The following FCAMR variants were observed in gnomAD, a reference collection of about 807,000 sequenced individuals.
FCAMR encodes the protein Fc alpha and mu receptor.
A neutral mutation model predicts 52.2 loss-of-function variants in FCAMR; 51 were observed. The observed-to-expected ratio is 0.98, with a 90% CI of 0.78 to 1.23. The LOEUF (loss-of-function observed/expected upper bound fraction) is 1.23. Ranked by LOEUF, FCAMR falls within the 50% of genes most tolerant of loss-of-function variation. The pLI is 0.00. For synonymous variants in FCAMR, 282 were observed against 262.0 expected (o/e 1.08, Z -0.74); for missense variants, 719 against 712.6 (o/e 1.01, Z -0.10).
In FCAMR at chr1:206,960,966, C is replaced by A; in HGVS notation, c.910G>T (p.Ala304Ser). Residue 304 changes from alanine to serine, a missense_variant, in exon 6 of 8, where the codon GCA becomes TCA. Transcript: ENST00000324852. ...GGACTCTCTGGAATCGGAGCAGGTG[C>A]TTTGACAGAACCCTCTGCCCAGCTG... ...TGSWAEGSVK[A>S]PAPIPESPPS... is the part of the protein sequence containing the mutation. The A allele has an allele frequency of 6.4e-7, 1 of 1,551,944 alleles. No individual in the cohort carries two copies. Among genetic ancestry groups the A allele is most frequent in the Non-Finnish European group, 8.7e-7 (1 of 1,147,026 alleles).
Position 206,959,841 on chromosome 1 carries a change from C to A in FCAMR, c.1455-44G>T, listed in dbSNP as rs770766842. 2.0e-6 allele frequency: 3 copies of A among 1,482,466 alleles called. No homozygotes were observed. The South Asian group carries it at 3.4e-5, about 17-fold the overall frequency. 91.8% of individuals were successfully genotyped at this position (1,482,466 alleles called of 1,614,324 possible). A position where few individuals can be genotyped will look rare whatever the true frequency, so the allele number is the denominator to read the frequency against. The stretch of plus-strand genomic sequence containing the variant: ...GAGCACAGGGGAGAGGAGGTTGGAG[C>A]TGGGCAGAAGATTAAAGACCATTTA... On this transcript the variant is annotated intron_variant, in intron 6 of 7. Coordinates refer to ENST00000324852, the MANE Select transcript of FCAMR (RefSeq NM_001170631.2).
At chr1:206,959,495 A>G (rs974724092) in intron 7 of FCAMR, among the ~76,000 whole-genome samples, 184 bp downstream of exon 7, 9 of 151,692 alleles carry the variant, frequency 5.9e-5, no homozygotes, top group African/African-American at 1.7e-4. Flanking sequence ...AAAAAAAGAA[A>G]AGAAAAGAAA....
Position 206,960,980 on chromosome 1 carries a change from T to C in FCAMR, c.896A>G (p.Glu299Gly). 2 of 1,551,900 alleles carry C rather than the reference T, an allele frequency of 1.3e-6. No homozygotes were observed. Among genetic ancestry groups the C allele is most frequent in the Non-Finnish European group, 1.7e-6 (2 of 1,147,028 alleles). ...CGGAGCAGGTGCTTTGACAGAACCCTCTGCCCAGCTGCCTGTCCCTGGAGC... is the reference window on the plus strand; with the variant it reads ...CGGAGCAGGTGCTTTGACAGAACCCCCTGCCCAGCTGCCTGTCCCTGGAGC... Reference protein sequence around the residue: ...PAAPGTGSWAEGSVKAPAPIP... With the variant: ...PAAPGTGSWAGGSVKAPAPIP... The change falls in exon 6 of 8, where the codon GAG becomes GGG. Residue 299 changes from glutamate to glycine, a missense_variant. Transcript: ENST00000324852.
In FCAMR at chr1:206,965,788, C is replaced by A; in HGVS notation, c.240G>T (p.Arg80Ser). The A allele has an allele frequency of 6.3e-7, 1 of 1,593,006 alleles. No homozygotes were observed. Among genetic ancestry groups the A allele is most frequent in the South Asian group, 1.1e-5 (1 of 88,156 alleles). ...RWLWEGSLPS[R>S]THLRAMGTLR... ...GTGTTCCCATGGCCCGGAGATGGGT[C>A]CTGGAGGGGAGAGAGCCCTCCCACA... The change falls in exon 4 of 8, where the codon AGG becomes AGT. Residue 80 changes from arginine to serine, a missense_variant. Physicochemically the swap from Arg to Ser is moderately radical, Grantham distance 110. Transcript: ENST00000324852.
intron 4 of FCAMR, among the ~76,000 whole-genome samples, chr1:206,964,358 C>A (rs1170342475): frequency 2.0e-5 from 3 of 151,926 alleles, no homozygotes; most frequent in Non-Finnish European, 4.4e-5. Flanking sequence ...ATGTCTGAAC[C>A]CCAGAAAGTT....
rs758567403 is a variant in FCAMR, at chr1:206,962,487, C to T, written c.378G>A (p.Gln126=). ...SGEPGGAVTI[Q]CHYAPSSVNR... ...TGACAGATGAGGGGGCATAATGGCA[C>T]TGGATGGTGACAGCTCCTCCAGGCT... The change falls in exon 5 of 8, where the codon CAG becomes CAA. Residue 126 remains glutamine, a synonymous_variant. Coordinates refer to ENST00000324852, the MANE Select transcript of FCAMR (RefSeq NM_001170631.2). 3 of 1,609,530 alleles carry T rather than the reference C, an allele frequency of 1.9e-6. No homozygotes were observed. The highest frequency in any genetic ancestry group is 2.6e-6 in the Non-Finnish European group (3 of 1,176,284).
Position 206,961,069 on chromosome 1 carries a change from T to C in FCAMR, c.807A>G (p.Pro269=), listed in dbSNP as rs1680492601. 3 of 1,551,916 alleles carry C rather than the reference T, an allele frequency of 1.9e-6. No homozygotes were observed. The highest frequency in any genetic ancestry group is 1.7e-4 in the Middle Eastern group (1 of 5,994). The change falls in exon 6 of 8, where the codon CCA becomes CCG. Residue 269 remains proline (P), a synonymous_variant. Coordinates refer to ENST00000324852, the MANE Select transcript of FCAMR (RefSeq NM_001170631.2). The stretch of plus-strand genomic sequence containing the variant: ...CTGAAGCTGTAGTCTTGCTGGTTCC[T>C]GGAGTGGAAGCAACTGTGTCCCATG... ...GTAWDTVAST[P]GTSKTTASAE...
At chr1:206,969,683 G>A (rs1433396363) in intron 1 of FCAMR, among the ~76,000 whole-genome samples, 2 of 152,194 alleles carry the variant, frequency 1.3e-5, no homozygotes, top group East Asian at 3.9e-4. Context: ...AGAAGGGAAG[G>A]AGTCAGTGTA....
intron 1 of FCAMR, chr1:206,969,233 G>C: frequency 2.2e-6 from 1 of 453,576 alleles, no homozygotes. Context: ...ATACCATCCA[G>C]TTCCTCTGAA....
At position 206,962,510 on chromosome 1, in the gene FCAMR, G is replaced by A; in HGVS notation, c.355C>T (p.Pro119Ser). ...LKGSRLVSGE[P>S]GGAVTIQCHY... The stretch of plus-strand genomic sequence containing the variant: ...CACTGGATGGTGACAGCTCCTCCAG[G>A]CTCCCCTGACACCAGCCTTGAGCCC... Residue 119 changes from proline to serine, a missense_variant, in exon 5 of 8, where the codon CCT becomes TCT. Pro to Ser is a moderately conservative substitution (Grantham distance 74). Transcript: ENST00000324852. The A allele has an allele frequency of 6.2e-7, 1 of 1,600,166 alleles. No individual in the cohort carries two copies. The highest frequency in any genetic ancestry group is 1.3e-5 in the African/African-American group (1 of 74,786).
intron 1 of FCAMR, 117 bp from the exon 2 acceptor site, chr1:206,967,768 C>T: frequency 1.1e-6 from 1 of 889,140 alleles, no homozygotes. Flanking sequence ...GCTCTCTGCA[C>T]TAGGGTGCTA....
At position 206,970,239 on chromosome 1, in the gene FCAMR, A is replaced by G. The variant is rs1369303611; in HGVS notation, c.-114T>C. 4 of 1,291,700 alleles carry G rather than the reference A, an allele frequency of 3.1e-6. No individual in the cohort carries two copies. The highest frequency in any genetic ancestry group is 2.4e-5 in the East Asian group (1 of 42,290). 80.0% of individuals were successfully genotyped at this position (1,291,700 alleles called of 1,614,324 possible). On this transcript the variant is annotated 5_prime_UTR_variant, in exon 1 of 8. Coordinates refer to ENST00000324852, the MANE Select transcript of FCAMR (RefSeq NM_001170631.2). ...CTGGAGACTGAGAAGTCAAGGTGGT[A>G]TTTTGGAAAGCAGCTGGAGCTAGCA...
At position 206,967,062 on chromosome 1, in the gene FCAMR, G is replaced by T. The variant is rs769754760; in HGVS notation, c.159C>A (p.Cys53Ter). The stretch of plus-strand genomic sequence containing the variant: ...GGGTTTGGGACTCACCTTGTAGCAG[G>T]CACAGTATGAGGAAGAGGGGCATTT... ...GWKMPLFLILCLLQGSSFALP... is the reference protein window; with the variant it reads ...GWKMPLFLIL Residue 53 changes from cysteine to a stop codon, truncating the protein, a stop_gained, in exon 3 of 8, where the codon TGC becomes TGA. Coordinates refer to ENST00000324852, the MANE Select transcript of FCAMR (RefSeq NM_001170631.2). LOFTEE classifies it high-confidence loss of function. 10 of 1,613,900 alleles carry T rather than the reference G, an allele frequency of 6.2e-6. No homozygotes were observed. Among genetic ancestry groups the T allele is most frequent in the Non-Finnish European group, 8.5e-6 (10 of 1,179,990 alleles).
chr1:206,958,943 T>G (rs1180429485), intron 7 of FCAMR: 1 of 595,538 alleles, frequency 1.7e-6, no homozygotes, highest in Admixed American at 2.2e-5. Flanking sequence ...AGCCCTCACT[T>G]TAAGAGTACT....
At chr1:206,962,802 C>A (rs1680563331) in intron 4 of FCAMR, among the ~76,000 whole-genome samples, 1 of 152,142 alleles carries the variant, frequency 6.6e-6, no homozygotes, top group Non-Finnish European at 1.5e-5. Context: ...CCTGAGCTAT[C>A]CTGGTCCATC....
intron 5 of FCAMR, 152 bp downstream of exon 5, chr1:206,962,061 A>T: frequency 1.3e-6 from 1 of 774,526 alleles, no homozygotes; most frequent in Non-Finnish European, 2.0e-6. Context: ...CTGAAATGAA[A>T]GCCTACTTCT....
chr1:206,963,069 G>C (rs528994472), intron 4 of FCAMR, among the ~76,000 whole-genome samples: 1 of 152,210 alleles, frequency 6.6e-6, no homozygotes, highest in African/African-American at 2.4e-5. Flanking sequence ...AAGGGCTCTG[G>C]TTTGCATGGA....
intron 3 of FCAMR, 115 bp downstream of exon 3, chr1:206,966,937 C>T (rs1480352502): frequency 3.3e-6 from 3 of 922,144 alleles, no homozygotes; most frequent in Non-Finnish European, 5.1e-6. Context: ...GTCATCTGAG[C>T]ATGGTTTATA....
intron 6 of FCAMR, 120 bp downstream of exon 6, chr1:206,960,302 A>G: frequency 4.8e-6 from 5 of 1,049,798 alleles, no homozygotes; most frequent in South Asian, 3.4e-5. Flanking sequence ...TCCGATGTGT[A>G]TGTCACTGTC....
Sources: allele counts gnomAD v4.1 joint callset (sites outside exome capture counted in the v4.1 genomes callset), GRCh38; gene constraint gnomAD v4.1.1; transcripts MANE v1.5; gene names NCBI Gene and HGNC (gene_info 2026-07-23, HGNC 2026-07-21).